Variants in PTPRN2 observed in about 807,000 individuals in gnomAD.
PTPRN2 encodes the protein protein tyrosine phosphatase receptor type N2, also known as receptor-type tyrosine-protein phosphatase N2.
PTPRN2 carries 74 observed loss-of-function variants against 118.8 expected under a neutral mutation model. The observed-to-expected ratio is 0.62, with a 90% CI of 0.52 to 0.76. The LOEUF (loss-of-function observed/expected upper bound fraction) is 0.76, where lower values mean the gene tolerates loss of function less well. PTPRN2 is among the 30% of genes least tolerant of loss of function. The probability of loss-of-function intolerance (pLI) is 0.00; values close to 1 mark genes in which losing one functional copy is unlikely to be tolerated. For missense variants in PTPRN2, 1,481 were observed against 1,394.4 expected, an observed-to-expected ratio of 1.06 and a Z score of -0.99; for synonymous variants, 641 against 608.0, an observed-to-expected ratio of 1.05 and a Z score of -0.80.
intron 11 of PTPRN2, among the ~76,000 whole-genome samples, chr7:157,969,759 G>C (rs1802190472): frequency 6.6e-6 from 1 of 152,090 alleles, no homozygotes; most frequent in South Asian, 2.1e-4. Context: ...AAAGGCCCAA[G>C]CAGAAAAGCT....
chr7:158,118,751 G>A (rs145709784), intron 9 of PTPRN2, among the ~76,000 whole-genome samples: 64 of 152,292 alleles, frequency 4.2e-4, no homozygotes, highest in African/African-American at 1.5e-3. Flanking sequence ...GCCCAGGCTG[G>A]AGTGCAGTGG....
intron 3 of PTPRN2, among the ~76,000 whole-genome samples, chr7:158,209,809 CT>C (rs1827448539): frequency 6.6e-6 from 1 of 152,144 alleles, no homozygotes; most frequent in Non-Finnish European, 1.5e-5. Context: ...AAAAATGCAT[CT>C]TTAAAAATTC....
At chr7:158,500,896 A>G (rs73729654) in intron 1 of PTPRN2, among the ~76,000 whole-genome samples, 11,664 of 152,304 alleles carry the variant, frequency 0.077, 1,424 homozygotes, top group African/African-American at 0.26. Flanking sequence ...GTTCCCAGGC[A>G]AGGCCGGTGC....
intron 11 of PTPRN2, among the ~76,000 whole-genome samples, chr7:157,921,187 A>C (rs1798673520): frequency 6.6e-6 from 1 of 152,188 alleles, no homozygotes; most frequent in Non-Finnish European, 1.5e-5. Flanking sequence ...GGCTTGCAGG[A>C]ACCTTAAATG....
intron 3 of PTPRN2, among the ~76,000 whole-genome samples, chr7:158,207,137 C>G (rs1827219329): frequency 6.8e-6 from 1 of 146,980 alleles, no homozygotes; most frequent in East Asian, 2.0e-4. Flanking sequence ...AGGACATGCA[C>G]TCATCATTTT....
intron 11 of PTPRN2, among the ~76,000 whole-genome samples, chr7:157,927,035 C>T (rs112067956): frequency 5.6e-5 from 7 of 124,712 alleles, no homozygotes; most frequent in Non-Finnish European, 1.3e-4. Context: ...AGACAGGAAG[C>T]CCCAGGGACC....
In PTPRN2 at chr7:158,574,643, T is replaced by C. The variant is rs1157459583; in HGVS notation, c.112+12915A>G. The stretch of plus-strand genomic sequence containing the variant: ...TCAGATTTTCAGTTGTGGCAGTTAC[T>C]CTAGCCAGAACTGGAAGGTGGCATG... On this transcript the variant is annotated intron_variant, in intron 1 of 22. Coordinates refer to ENST00000389418, the MANE Select transcript of PTPRN2 (RefSeq NM_002847.5). This position sits in a 1 kb window ranked among gnomAD's most constrained non-coding sequence, Gnocchi z 4.6. Among the ~76,000 whole-genome samples, 2 of 152,246 alleles carry C rather than the reference T, an allele frequency of 1.3e-5. No individual in the cohort carries two copies. Among genetic ancestry groups the C allele is most frequent in the African/African-American group, 4.8e-5 (2 of 41,474 alleles).
chr7:158,539,636 C>T (rs766383015), intron 1 of PTPRN2: 3 of 220,942 alleles, frequency 1.4e-5, no homozygotes, highest in South Asian at 5.4e-5. Context: ...TGGAGCCTTA[C>T]GCTGGAGCAT....
At chr7:158,534,110 ACGCCC>A (rs1258702434) in intron 1 of PTPRN2, among the ~76,000 whole-genome samples, 29 of 129,332 alleles carry the variant, frequency 2.2e-4, no homozygotes, top group African/African-American at 6.6e-4. Flanking sequence ...GTGACCACCC[ACGCCC>A]TGGGCTCCGT....
At chr7:158,170,758 C>G (rs958983128) in intron 5 of PTPRN2, among the ~76,000 whole-genome samples, 6 of 152,144 alleles carry the variant, frequency 3.9e-5, no homozygotes, top group Non-Finnish European at 8.8e-5. Flanking sequence ...CTGGCTCTTT[C>G]ACGGTTTGAG....
intron 3 of PTPRN2, among the ~76,000 whole-genome samples, chr7:158,234,339 CAT>C (rs1829377564): frequency 6.8e-6 from 1 of 147,822 alleles, no homozygotes; most frequent in Non-Finnish European, 1.5e-5. Flanking sequence ...CAAATAAAAA[CAT>C]ATAAATGGCC....
At chr7:157,621,641 G>A in intron 14 of PTPRN2, 132 bp from the exon 15 acceptor site, 1 of 1,094,060 alleles carries the variant, frequency 9.1e-7, no homozygotes, top group East Asian at 2.4e-5. Context: ...CTGGGCCATG[G>A]TGCGACGTTG....
intron 12 of PTPRN2, among the ~76,000 whole-genome samples, chr7:157,846,266 T>A (rs979273418): frequency 8.6e-5 from 13 of 151,920 alleles, no homozygotes; most frequent in Non-Finnish European, 1.9e-4. Context: ...GTTTGCATCC[T>A]AGGAAATTAA....
At chr7:158,143,928 C>A (rs982870769) in intron 6 of PTPRN2, among the ~76,000 whole-genome samples, 1 of 152,106 alleles carries the variant, frequency 6.6e-6, no homozygotes, top group Admixed American at 6.5e-5. Context: ...AGCAGAGTGG[C>A]CACCGTCCCC....
rs77019076 is a variant in PTPRN2 at position 158,283,979 on chromosome 7, C to T, written c.277+32840G>A. ...CTGCTCCTAAAACATTTCCAGGGTT[C>T]GGGCATCAAGATCAGATCACACGTT... is the stretch of plus-strand genomic sequence containing the variant. On this transcript the variant is annotated intron_variant, in intron 3 of 22. Transcript: ENST00000389418. Among the ~76,000 whole-genome samples the T allele has an allele frequency of 9.0e-3, 1,368 of 152,278 alleles. 24 individuals carry two copies. The highest frequency in any genetic ancestry group is 0.031 in the African/African-American group (1,299 of 41,544).
At chr7:158,263,166 TCACA>T (rs201151462) in intron 3 of PTPRN2, among the ~76,000 whole-genome samples, 3 of 145,060 alleles carry the variant, frequency 2.1e-5, no homozygotes, top group African/African-American at 5.1e-5. Flanking sequence ...AGTCACACAT[TCACA>T]CACACTGCAC....
chr7:158,464,445 T>G (rs1224096358), intron 2 of PTPRN2, among the ~76,000 whole-genome samples: 1 of 119,990 alleles, frequency 8.3e-6, no homozygotes, highest in Admixed American at 8.0e-5. Flanking sequence ...AAATAATCCT[T>G]CATCACCACC....
intron 3 of PTPRN2, among the ~76,000 whole-genome samples, chr7:158,256,761 T>C (rs566721511): frequency 6.6e-6 from 1 of 152,298 alleles, no homozygotes; most frequent in African/African-American, 2.4e-5. Flanking sequence ...ATAGGAAGTT[T>C]ATGGAATGAT....
chr7:158,395,118 G>A (rs1417842939), intron 2 of PTPRN2, among the ~76,000 whole-genome samples: 3 of 152,048 alleles, frequency 2.0e-5, no homozygotes, highest in African/African-American at 7.2e-5. Context: ...AAGTAGCCGC[G>A]TTTTCGCCTG....
Sources: allele counts gnomAD v4.1 joint callset (sites outside exome capture counted in the v4.1 genomes callset), GRCh38; gene constraint gnomAD v4.1.1; non-coding constraint Gnocchi (gnomAD v3.1); transcripts MANE v1.5; gene names NCBI Gene and HGNC (gene_info 2026-07-23, HGNC 2026-07-21).